Variants in ATP10D observed in about 807,000 individuals in gnomAD.
ATP10D encodes ATPase phospholipid transporting 10D (putative).
A neutral mutation model predicts 144.8 loss-of-function variants in ATP10D; 89 were observed. The observed-to-expected ratio is 0.61, with a 90% confidence interval of 0.52 to 0.73. The LOEUF (loss-of-function observed/expected upper bound fraction) is 0.73. Among genes scored for constraint, ATP10D ranks in the 30% least tolerant of loss-of-function variants. ATP10D has a pLI of 0.00. For missense variants in ATP10D, 1,603 were observed against 1,714.8 expected (o/e 0.93, Z 1.15); for synonymous variants, 571 against 615.1 (o/e 0.93, Z 1.06).
In ATP10D at chr4:47,502,264, G is replaced by A. The variant is rs541267076; in HGVS notation, c.-37-10240G>A. Among the ~76,000 whole-genome samples, 631 of 152,244 alleles carry A rather than the reference G, an allele frequency of 4.1e-3. 3 individuals carry two copies. The highest frequency in any genetic ancestry group is 7.6e-3 in the Admixed American group (117 of 15,300). On this transcript the variant is annotated intron_variant, in intron 1 of 22. Transcript: ENST00000273859. ...CCGAGGCGGGCGGATCACGAGGTCA[G>A]ATCGAGACCATCCTGGCTAACACGG...
At chr4:47,574,674 CAA>C (rs1215178408) in intron 18 of ATP10D, among the ~76,000 whole-genome samples, 1 of 152,108 alleles carries the variant, frequency 6.6e-6, no homozygotes, top group Non-Finnish European at 1.5e-5. Flanking sequence ...ATCACGAGGT[CAA>C]GAGATCAAGA....
At chr4:47,511,409 G>A (rs1465953395) in intron 1 of ATP10D, among the ~76,000 whole-genome samples, 1 of 152,044 alleles carries the variant, frequency 6.6e-6, no homozygotes, top group African/African-American at 2.4e-5. Context: ...TATACTCAGA[G>A]GCTGTTGTTC....
At chr4:47,553,561 A>G (rs144608883) in intron 10 of ATP10D, among the ~76,000 whole-genome samples, 196 of 152,334 alleles carry the variant, frequency 1.3e-3, no homozygotes, top group African/African-American at 4.5e-3. Flanking sequence ...TACTGGTCTC[A>G]TCTTAGTCAT....
In ATP10D at chr4:47,572,204, G is replaced by A; in HGVS notation, c.3214G>A (p.Gly1072Arg). The A allele has an allele frequency of 6.2e-7, 1 of 1,614,082 alleles. No homozygotes were observed. Among genetic ancestry groups the A allele is most frequent in the Non-Finnish European group, 8.5e-7 (1 of 1,180,000 alleles). The change falls in exon 17 of 23, where the codon GGG becomes AGG. Residue 1072 changes from glycine to arginine, a missense_variant. Physicochemically the swap from Gly to Arg is moderately radical, Grantham distance 125. Coordinates refer to ENST00000273859, the MANE Select transcript of ATP10D (RefSeq NM_020453.4). ...SMIQVADIGI[G>R]VSGQEGMQAV... The stretch of plus-strand genomic sequence containing the variant: ...GATACAAGTGGCAGACATTGGGATA[G>A]GGGTCTCAGGTCAAGAAGGCATGCA...
intron 5 of ATP10D, among the ~76,000 whole-genome samples, chr4:47,532,658 CACAA>C (rs1310367733): frequency 6.6e-6 from 1 of 152,158 alleles, no homozygotes; most frequent in Non-Finnish European, 1.5e-5. Context: ...AAAAATTAAG[CACAA>C]ATTGAGATGC....
At chr4:47,572,531 A>G (rs1303258471) in intron 17 of ATP10D, among the ~76,000 whole-genome samples, 1 of 152,082 alleles carries the variant, frequency 6.6e-6, no homozygotes, top group East Asian at 1.9e-4. Context: ...GAAGCTACTA[A>G]GGATTTGAAT....
chr4:47,486,547 C>G (rs1212630577), intron 1 of ATP10D, among the ~76,000 whole-genome samples: 2 of 152,156 alleles, frequency 1.3e-5, no homozygotes, highest in African/African-American at 4.8e-5. Context: ...CATCGAAAAC[C>G]CTTGCTGACT....
At chr4:47,490,456 G>A (rs565645428) in intron 1 of ATP10D, among the ~76,000 whole-genome samples, 18 of 152,302 alleles carry the variant, frequency 1.2e-4, no homozygotes, top group South Asian at 4.1e-4. Flanking sequence ...TTTACTTTGA[G>A]TCCCAGACTG....
intron 3 of ATP10D, among the ~76,000 whole-genome samples, chr4:47,520,438 A>G (rs1716884230): frequency 6.6e-6 from 1 of 151,610 alleles, no homozygotes. Context: ...CCTGCATCCT[A>G]TGTGCATGCC....
chr4:47,494,831 C>A (rs1008109344), intron 1 of ATP10D, among the ~76,000 whole-genome samples: 1 of 152,048 alleles, frequency 6.6e-6, no homozygotes, highest in African/African-American at 2.4e-5. Context: ...TAAGTATAGG[C>A]ATAAAAATGT....
At chr4:47,512,099 G>C (rs1716364823) in intron 1 of ATP10D, among the ~76,000 whole-genome samples, 2 of 152,298 alleles carry the variant, frequency 1.3e-5, no homozygotes, top group African/African-American at 4.8e-5. Flanking sequence ...GATGTCCTAT[G>C]ATTTATCAGA....
intron 10 of ATP10D, among the ~76,000 whole-genome samples, chr4:47,553,693 A>G (rs1204817347): frequency 1.3e-5 from 2 of 152,212 alleles, no homozygotes; most frequent in Admixed American, 6.5e-5. Flanking sequence ...TGGAGCTAAG[A>G]CCTGAACCTA....
Position 47,535,805 on chromosome 4 carries a change from G to A in ATP10D, c.884-97G>A, listed in dbSNP as rs952630668. The A allele has an allele frequency of 1.7e-5, 24 of 1,413,694 alleles. No individual in the cohort carries two copies. The African/African-American group carries it at 3.5e-4, about 21-fold the overall frequency. 87.6% of individuals were successfully genotyped at this position (1,413,694 alleles called of 1,614,324 possible). A position where few individuals can be genotyped will look rare whatever the true frequency, so the allele number is the denominator to read the frequency against. On this transcript the variant is annotated intron_variant, in intron 6 of 22. Transcript: ENST00000273859. ...CTGACAAAATAGATCATGTAACTGT[G>A]TTTTATTAAATTGTCTGCAAGAGAG...
Position 47,536,427 on chromosome 4 carries a change from T to G in ATP10D, c.1016-10T>G, listed in dbSNP as rs1310226804. On this transcript the variant is annotated splice_polypyrimidine_tract_variant and intron_variant, in intron 7 of 22. Coordinates refer to ENST00000273859, the MANE Select transcript of ATP10D (RefSeq NM_020453.4). ...TAGCATCCTTTTGATGTCTGTGTAT[T>G]TTTTGAAAGGTCATGGAATCTGGCT... 32 of 1,610,942 alleles carry G rather than the reference T, an allele frequency of 2.0e-5. No individual in the cohort carries two copies. Among genetic ancestry groups the G allele is most frequent in the Non-Finnish European group, 2.7e-5 (32 of 1,179,028 alleles).
At chr4:47,575,993 G>A (rs1160281762) in intron 18 of ATP10D, among the ~76,000 whole-genome samples, 2 of 137,662 alleles carry the variant, frequency 1.5e-5, no homozygotes, top group Non-Finnish European at 3.0e-5. Flanking sequence ...GTGCAGTGGC[G>A]CGATCTCGGC....
At position 47,591,539 on chromosome 4, in the gene ATP10D, T is replaced by C. The variant is rs1473811575; in HGVS notation, c.*158T>C. ...TGATGAGCATTATTGTATGTTTGTA[T>C]ATACATTTGTGATAGAGGGCTAGAG... On this transcript the variant is annotated 3_prime_UTR_variant, in exon 23 of 23. Transcript: ENST00000273859. The C allele has an allele frequency of 6.9e-6, 4 of 577,106 alleles. No individual in the cohort carries two copies. Among genetic ancestry groups the C allele is most frequent in the East Asian group, 2.9e-5 (1 of 34,404 alleles). The allele number at this position is 577,106 out of a possible 1,614,324, so 35.7% of individuals were successfully genotyped here.
rs1695966911 is a variant in ATP10D at position 47,591,501 on chromosome 4, G to A, written c.*120G>A. ...GGGACATGAGCATTTTACTAGGCTT[G>A]GAAGAGCTGACATGATGAGCATTAT... On this transcript the variant is annotated 3_prime_UTR_variant, in exon 23 of 23. Transcript: ENST00000273859. 6.3e-6 allele frequency: 5 copies of A among 790,890 alleles called. No homozygotes were observed. The highest frequency in any genetic ancestry group is 9.9e-6 in the Non-Finnish European group (5 of 506,638). 49.0% of individuals were successfully genotyped at this position (790,890 alleles called of 1,614,324 possible). A position where few individuals can be genotyped will look rare whatever the true frequency, so the allele number is the denominator to read the frequency against.
chr4:47,548,430 C>A (rs1038963640), intron 10 of ATP10D, among the ~76,000 whole-genome samples: 11 of 152,162 alleles, frequency 7.2e-5, no homozygotes, highest in African/African-American at 2.4e-4. Context: ...ACCGTCCCTC[C>A]GTCCCTCCGT....
Position 47,512,850 on chromosome 4 carries a change from G to T in ATP10D, c.290+20G>T, listed in dbSNP as rs760583474. 10 of 1,570,292 alleles carry T rather than the reference G, an allele frequency of 6.4e-6. No individual in the cohort carries two copies. The South Asian group carries it at 1.2e-4, about 18-fold the overall frequency. On this transcript the variant is annotated intron_variant, in intron 2 of 22. Transcript: ENST00000273859. The stretch of plus-strand genomic sequence containing the variant: ...TCACAGGTACTGTTTTATTTTTGAA[G>T]AAAACCTTAGAATATCATTCTAGTT...
Sources: allele counts gnomAD v4.1 joint callset (sites outside exome capture counted in the v4.1 genomes callset), GRCh38; gene constraint gnomAD v4.1.1; transcripts MANE v1.5; gene names NCBI Gene and HGNC (gene_info 2026-07-23, HGNC 2026-07-21).